ZZEF1: variants seen among roughly 807,000 people sequenced by gnomAD.
The protein encoded by ZZEF1 is zinc finger ZZ-type and EF-hand domain-containing protein 1.
A neutral mutation model predicts 342.8 loss-of-function variants in ZZEF1; 157 were observed. That is an observed-to-expected ratio of 0.46 (90% CI 0.40 to 0.52). ZZEF1 has a LOEUF of 0.52. Among genes scored for constraint, ZZEF1 ranks in the 20% least tolerant of loss-of-function variants. The pLI is 0.00. For missense variants in ZZEF1, 3,480 were observed against 3,725.6 expected (o/e 0.93, Z 1.72); for synonymous variants, 1,505 against 1,429.1 (o/e 1.05, Z -1.20).
rs79513441 is a variant in ZZEF1 at position 4,120,840 on chromosome 17, T to G, written c.499+3067A>C. Reference sequence around the variant, plus strand: ...AAAGTGTTTTCATATGCTGAAACATTTGGTAAATTAATTTAGCCTTCAGTA... The same window carrying G: ...AAAGTGTTTTCATATGCTGAAACATGTGGTAAATTAATTTAGCCTTCAGTA... On this transcript the variant is annotated intron_variant, in intron 2 of 54. Transcript: ENST00000381638. Among the ~76,000 whole-genome samples, 1,438 of 152,356 alleles carry G rather than the reference T, an allele frequency of 9.4e-3. 15 individuals are homozygous for G. The highest frequency in any genetic ancestry group is 0.016 in the Admixed American group (251 of 15,304).
In ZZEF1 at chr17:4,101,420, G is replaced by A. The variant is rs118054434; in HGVS notation, c.1672+897C>T. ...TCAGCAAGATTCAAATCAGTCCAGTGAGGAAAAAAGGGACACAGAGGACAA... is the reference window on the plus strand; with the variant it reads ...TCAGCAAGATTCAAATCAGTCCAGTAAGGAAAAAAGGGACACAGAGGACAA... On this transcript the variant is annotated intron_variant, in intron 9 of 54. Transcript: ENST00000381638. Among the ~76,000 whole-genome samples the A allele has an allele frequency of 9.1e-3, 1,379 of 152,160 alleles. 12 individuals are homozygous for A. Among genetic ancestry groups the A allele is most frequent in the Middle Eastern group, 0.02 (6 of 294 alleles).
At chr17:4,136,430 C>T (rs921912741) in intron 1 of ZZEF1, among the ~76,000 whole-genome samples, 4 of 151,734 alleles carry the variant, frequency 2.6e-5, no homozygotes, top group Non-Finnish European at 4.4e-5. Context: ...CCAATTACAA[C>T]ACTTATTGAG....
intron 1 of ZZEF1, among the ~76,000 whole-genome samples, chr17:4,138,881 T>C (rs1303075292): frequency 6.6e-6 from 1 of 152,250 alleles, no homozygotes; most frequent in East Asian, 1.9e-4. Flanking sequence ...GTGAGCAAAC[T>C]GAGAGAGTCC....
intron 38 of ZZEF1, 45 bp downstream of exon 38, chr17:4,044,179 A>G: frequency 1.2e-6 from 2 of 1,604,102 alleles, no homozygotes; most frequent in South Asian, 2.2e-5. Flanking sequence ...GTATATGTGC[A>G]TTTTAAGATG....
Position 4,090,689 on chromosome 17 carries a change from G to A in ZZEF1, c.2025+30C>T, listed in dbSNP as rs2145381356. The stretch of plus-strand genomic sequence containing the variant: ...TCAAAAAACACAGAATAAAAGGAGG[G>A]GAGTGGGCAAACGACGCACTAATGC... On this transcript the variant is annotated intron_variant, in intron 12 of 54. Transcript: ENST00000381638. 1.9e-6 allele frequency: 3 copies of A among 1,542,166 alleles called. No individual in the cohort carries two copies. In the East Asian group the frequency reaches 6.7e-5, roughly 35 times the overall value.
At chr17:4,097,947 C>T (rs1201574154) in intron 9 of ZZEF1, among the ~76,000 whole-genome samples, 2 of 93,374 alleles carry the variant, frequency 2.1e-5, no homozygotes, top group African/African-American at 4.1e-5. Context: ...AAAAAAAAAG[C>T]AAAAATCAAG....
chr17:4,104,920 T>C, intron 7 of ZZEF1, 109 bp from the exon 8 acceptor site: 1 of 865,164 alleles, frequency 1.2e-6, no homozygotes. Flanking sequence ...TGCCATATGC[T>C]TTCTACAGGT....
Position 4,109,808 on chromosome 17 carries a change from A to G in ZZEF1, c.1122T>C (p.His374=), listed in dbSNP as rs1238312369. ...TCTGAAAGCCAACAGCCCTGAGACCATGAATTCTAGTGTCGCAGCCATCGC... is the reference window on the plus strand; with the variant it reads ...TCTGAAAGCCAACAGCCCTGAGACCGTGAATTCTAGTGTCGCAGCCATCGC... The part of the protein sequence containing the change: ...CLSDGCDTRI[H]GLRAVGFQRV... Residue 374 remains histidine (H), a synonymous_variant, in exon 6 of 55, where the codon CAT becomes CAC. Coordinates refer to ENST00000381638, the MANE Select transcript of ZZEF1 (RefSeq NM_015113.4). 6.2e-7 allele frequency: 1 copy of G among 1,614,218 alleles called. No individual in the cohort carries two copies. Among genetic ancestry groups the G allele is most frequent in the South Asian group, 1.1e-5 (1 of 91,086 alleles).
chr17:4,034,094 C>A lies in ZZEF1; in HGVS notation c.6505G>T (p.Ala2169Ser), dbSNP rs753528748. 9.3e-6 allele frequency: 15 copies of A among 1,614,112 alleles called. No individual in the cohort carries two copies. Among genetic ancestry groups the A allele is most frequent in the Non-Finnish European group, 1.2e-5 (14 of 1,180,060 alleles). Reference protein sequence around the residue: ...VLSAKHNLFAAGDSSIVPDGW... With the variant: ...VLSAKHNLFASGDSSIVPDGW... ...TCTGGCACAATGGAACTGTCCCCTG[C>A]AGCAAACAGGTTGTGTTTGGCTGAG... Residue 2169 changes from alanine (A) to serine (S), a missense_variant, in exon 40 of 55, where the codon GCA (alanine) becomes TCA (serine). By Grantham distance (99) the Ala-to-Ser change is moderately conservative (BLOSUM62 1). Around this residue, in one of 5 missense-constraint regions of ZZEF1, gnomAD observed 1,269 missense variants for 1,342.4 expected, o/e 0.95. Transcript: ENST00000381638.
At position 4,079,659 on chromosome 17, in the gene ZZEF1, G is replaced by C. The variant is rs960751264; in HGVS notation, c.2830-1617C>G. 3.9e-5 allele frequency among the ~76,000 whole-genome samples: 6 copies of C among 152,256 alleles called. No homozygotes were observed. The East Asian group carries it at 7.7e-4, about 20-fold the overall frequency. On this transcript the variant is annotated intron_variant, in intron 18 of 54. Coordinates refer to ENST00000381638, the MANE Select transcript of ZZEF1 (RefSeq NM_015113.4). ...TTACCCTAGATCTAAATTAATACTA[G>C]ATCTAAACAGTGGTCAGCCTAAGAG...
intron 39 of ZZEF1, among the ~76,000 whole-genome samples, chr17:4,036,801 ACACACACACACACACACTCTCTCTCTCT>A (rs1305867904): frequency 2.8e-5 from 3 of 108,960 alleles, no homozygotes; most frequent in African/African-American, 1.2e-4. Flanking sequence ...ACACACACAC[ACACACACACACACACACTCTCTCTCTCT>A]CTCTCTCTCT....
In ZZEF1 at chr17:4,080,593, T is replaced by A. The variant is rs1427251267; in HGVS notation, c.2829+783A>T. ...TTTTGTATTTTTGTATTTCTCCATG[T>A]TAGTCAGGCTGGTCTTGAACTCCCG... On this transcript the variant is annotated intron_variant, in intron 18 of 54. Coordinates refer to ENST00000381638, the MANE Select transcript of ZZEF1 (RefSeq NM_015113.4). 2.0e-5 allele frequency among the ~76,000 whole-genome samples: 3 copies of A among 152,334 alleles called. No individual in the cohort carries two copies. The East Asian group carries it at 5.8e-4, about 29-fold the overall frequency.
chr17:4,053,502 C>A (rs183659271), intron 34 of ZZEF1, among the ~76,000 whole-genome samples: 1 of 152,332 alleles, frequency 6.6e-6, no homozygotes, highest in East Asian at 1.9e-4. Context: ...ACAATCTGTA[C>A]CCTCCTTTAT....
chr17:4,054,274 T>G, intron 33 of ZZEF1, 79 bp from the exon 34 acceptor site: 1 of 1,471,498 alleles, frequency 6.8e-7, no homozygotes. Context: ...CTCCATTCAC[T>G]AGGTACTGAA....
At chr17:4,082,306 C>T in intron 17 of ZZEF1, 131 bp downstream of exon 17, 1 of 787,842 alleles carries the variant, frequency 1.3e-6, no homozygotes, top group Non-Finnish European at 2.1e-6. Flanking sequence ...GGGTCACCCA[C>T]AGAAACTCGG....
rs1480015763 is a variant in ZZEF1, at chr17:4,085,774, GCA to G, written c.2540_2541del (p.Val847AlafsTer23). On this transcript the variant is annotated frameshift_variant, in exon 16 of 55. Coordinates refer to ENST00000381638, the MANE Select transcript of ZZEF1 (RefSeq NM_015113.4). LOFTEE classifies it high-confidence loss of function. ...ACTTCTTGTTTTAGTATCTCCATGGGCACAGAGTCTCCATCCACCTTGTCCAC... is the reference window on the plus strand; with the variant it reads ...ACTTCTTGTTTTAGTATCTCCATGGGCAGAGTCTCCATCCACCTTGTCCAC... The part of the protein sequence containing the change: ...DVVDKVDGDS[V>X]PMEILKQEVR... The G allele has an allele frequency of 6.2e-7, 1 of 1,614,054 alleles. No homozygotes were observed. The highest frequency in any genetic ancestry group is 8.5e-7 in the Non-Finnish European group (1 of 1,179,992).
Position 4,014,390 on chromosome 17 carries a change from G to A in ZZEF1, c.8271C>T (p.Ser2757=). Residue 2757 remains serine (S), a synonymous_variant, in exon 50 of 55, where the codon AGC becomes AGT. Transcript: ENST00000381638. The surrounding 1 kb of genome is among the most constrained non-coding windows in gnomAD (Gnocchi z 4.4). ...SSSDFQQDRH[S]FSGSQQKWKD... ...TCCACTTCTGCTGAGACCCGCTGAA[G>A]CTGTGTCGGTCTTGCTGGAAGTCAC... is the stretch of plus-strand genomic sequence containing the variant. The A allele has an allele frequency of 3.7e-6, 6 of 1,614,250 alleles. No homozygotes were observed. Among genetic ancestry groups the A allele is most frequent in the Non-Finnish European group, 5.1e-6 (6 of 1,180,048 alleles).
At position 4,070,920 on chromosome 17, in the gene ZZEF1, T is replaced by C. The variant is rs1221324091; in HGVS notation, c.3839A>G (p.Lys1280Arg). The C allele has an allele frequency of 1.2e-6, 2 of 1,609,648 alleles. No individual in the cohort carries two copies. Among genetic ancestry groups the C allele is most frequent in the South Asian group, 1.1e-5 (1 of 90,100 alleles). ...GCGGCAGGGGTCGTCAGGAATGTTC[T>C]TAACCTGGAAACAAAAAATAAACCC... ...THPHRNSKEVKNIPDDPCRHF... is the reference protein window; with the variant it reads ...THPHRNSKEVRNIPDDPCRHF... Residue 1280 changes from lysine (K) to arginine (R), a missense_variant, in exon 26 of 55, where the codon AAG becomes AGG. Lys to Arg is a conservative substitution (Grantham distance 26, BLOSUM62 2). Coordinates refer to ENST00000381638, the MANE Select transcript of ZZEF1 (RefSeq NM_015113.4).
intron 52 of ZZEF1, among the ~76,000 whole-genome samples, chr17:4,011,803 T>C (rs1229128057): frequency 2.6e-5 from 4 of 152,226 alleles, no homozygotes; most frequent in African/African-American, 9.6e-5. Context: ...TAAATCTTCA[T>C]AAAACAAACA....
Sources: allele counts gnomAD v4.1 joint callset (sites outside exome capture counted in the v4.1 genomes callset), GRCh38; gene constraint gnomAD v4.1.1; regional missense constraint gnomAD v4.1.1; non-coding constraint Gnocchi (gnomAD v3.1); transcripts MANE v1.5; gene names NCBI Gene and HGNC (gene_info 2026-07-23, HGNC 2026-07-21).